SMYD3: variants seen among roughly 807,000 people sequenced by gnomAD.
SMYD3 encodes the protein histone-lysine N-methyltransferase SMYD3.
Under a neutral mutation model 57.7 loss-of-function variants are expected in SMYD3, and 36 were observed. The ratio of observed to expected loss-of-function variants is 0.62; its 90% CI spans 0.48 to 0.82. SMYD3 has a LOEUF of 0.82. SMYD3 is among the 40% of genes least tolerant of loss of function. SMYD3 has a pLI of 0.00. For missense variants in SMYD3, 515 were observed against 538.8 expected (o/e 0.96, Z 0.44); for synonymous variants, 211 against 195.0 (o/e 1.08, Z -0.68).
intron 8 of SMYD3, among the ~76,000 whole-genome samples, chr1:245,868,076 A>G (rs1433647360): frequency 1.3e-5 from 2 of 152,252 alleles, no homozygotes; most frequent in East Asian, 3.8e-4. Context: ...GAATGTCTAT[A>G]GCATGGATCT....
At chr1:246,267,705 G>T (rs1246798854) in intron 5 of SMYD3, among the ~76,000 whole-genome samples, 1 of 152,136 alleles carries the variant, frequency 6.6e-6, no homozygotes, top group Non-Finnish European at 1.5e-5. Flanking sequence ...CTCTCTTGCA[G>T]CCCCTTCCTG....
intron 5 of SMYD3, among the ~76,000 whole-genome samples, chr1:246,014,118 T>A (rs2059334372): frequency 6.6e-6 from 1 of 152,138 alleles, no homozygotes; most frequent in Non-Finnish European, 1.5e-5. Context: ...AGGTCGGGTG[T>A]TCGAGACCAG....
intron 7 of SMYD3, among the ~76,000 whole-genome samples, chr1:245,926,426 T>C (rs1484483305): frequency 1.3e-5 from 2 of 152,212 alleles, no homozygotes; most frequent in African/African-American, 4.8e-5. Flanking sequence ...GAGAACCTTC[T>C]TTTTGTTGAG....
rs144697591 is a variant in SMYD3 at position 246,362,367 on chromosome 1, G to A, written c.165-7273C>T. On this transcript the variant is annotated intron_variant, in intron 1 of 11. Coordinates refer to ENST00000490107, the MANE Select transcript of SMYD3 (RefSeq NM_001167740.2). ...TAACTATCTCCCCCAAATCACCTGG[G>A]TGACAAAAAAGCAGATATTTTTAAA... 6.4e-3 allele frequency among the ~76,000 whole-genome samples: 950 copies of A among 148,056 alleles called. 4 individuals are homozygous for A. Among genetic ancestry groups the A allele is most frequent in the Non-Finnish European group, 8.1e-3 (541 of 67,084 alleles).
intron 5 of SMYD3, among the ~76,000 whole-genome samples, chr1:245,947,775 T>A (rs2057473930): frequency 6.7e-6 from 1 of 148,414 alleles, no homozygotes; most frequent in Non-Finnish European, 1.5e-5. Flanking sequence ...TTATGTTACG[T>A]ACCACTAAGA....
chr1:245,981,410 T>C (rs543862488), intron 5 of SMYD3, among the ~76,000 whole-genome samples: 58 of 152,324 alleles, frequency 3.8e-4, no homozygotes, highest in African/African-American at 1.3e-3. Flanking sequence ...AAGAATTCAA[T>C]AGCATTGAGC....
At chr1:246,269,866 C>T (rs12093673) in intron 5 of SMYD3, among the ~76,000 whole-genome samples, 27,364 of 152,076 alleles carry the variant, frequency 0.18, 2,708 homozygotes, top group East Asian at 0.31. Flanking sequence ...TACCACCACA[C>T]CCAGCGGTCA....
intron 8 of SMYD3, among the ~76,000 whole-genome samples, chr1:245,898,496 C>T (rs2053975687): frequency 6.6e-6 from 1 of 152,138 alleles, no homozygotes; most frequent in South Asian, 2.1e-4. Flanking sequence ...TGAAGTTGAT[C>T]CTGAGTGCTA....
At chr1:246,144,695 G>A (rs978544278) in intron 5 of SMYD3, among the ~76,000 whole-genome samples, 1 of 152,016 alleles carries the variant, frequency 6.6e-6, no homozygotes, top group African/African-American at 2.4e-5. Flanking sequence ...TTTTTAATTG[G>A]AATCATTTCA....
intron 10 of SMYD3, among the ~76,000 whole-genome samples, chr1:245,792,017 G>A (rs1245578571): frequency 1.3e-5 from 2 of 150,176 alleles, no homozygotes; most frequent in African/African-American, 2.5e-5. Context: ...AAGGCTGTTC[G>A]ATGAAATTTG....
At chr1:246,366,446 T>C (rs79816174) in intron 1 of SMYD3, among the ~76,000 whole-genome samples, 1 of 152,220 alleles carries the variant, frequency 6.6e-6, no homozygotes, top group Non-Finnish European at 1.5e-5. Flanking sequence ...CTTTGGGGCA[T>C]GGTTCAGAGC....
At chr1:245,926,993 T>C (rs2056419006) in intron 7 of SMYD3, among the ~76,000 whole-genome samples, 1 of 152,192 alleles carries the variant, frequency 6.6e-6, no homozygotes, top group African/African-American at 2.4e-5. Flanking sequence ...TGAAAATCAG[T>C]TTGGGGAGAA....
chr1:246,444,819 A>G (rs905650338), intron 1 of SMYD3, among the ~76,000 whole-genome samples: 8 of 152,210 alleles, frequency 5.3e-5, no homozygotes, highest in Non-Finnish European at 1.5e-5. Context: ...AAAAGCTGTC[A>G]GTCATAATGT....
chr1:246,005,208 C>T (rs2059148468), intron 5 of SMYD3, among the ~76,000 whole-genome samples: 1 of 152,126 alleles, frequency 6.6e-6, no homozygotes, highest in Non-Finnish European at 1.5e-5. Context: ...AAAGAAAAAC[C>T]TCAAAAATGT....
At chr1:246,190,098 G>C (rs1295373812) in intron 5 of SMYD3, among the ~76,000 whole-genome samples, 1 of 152,164 alleles carries the variant, frequency 6.6e-6, no homozygotes, top group Non-Finnish European at 1.5e-5. Context: ...GTCCTTAAAT[G>C]CCCAAGTCCA....
chr1:246,360,122 T>A (rs1481777215), intron 1 of SMYD3, among the ~76,000 whole-genome samples: 3 of 152,124 alleles, frequency 2.0e-5, no homozygotes, highest in African/African-American at 7.2e-5. Flanking sequence ...AGTTTCAGGA[T>A]ACAAAATTGA....
intron 10 of SMYD3, among the ~76,000 whole-genome samples, chr1:245,818,405 C>T (rs558276433): frequency 1.9e-4 from 29 of 151,912 alleles, no homozygotes; most frequent in African/African-American, 5.8e-4. Flanking sequence ...CGCTAAACAT[C>T]GAAAGGAACA....
intron 2 of SMYD3, among the ~76,000 whole-genome samples, chr1:246,338,443 C>A (rs1358489407): frequency 6.6e-6 from 1 of 152,190 alleles, no homozygotes; most frequent in East Asian, 1.9e-4. Flanking sequence ...CAAAAGACAA[C>A]CTTCCTGATT....
intron 1 of SMYD3, among the ~76,000 whole-genome samples, chr1:246,377,584 G>A (rs1378630240): frequency 6.6e-6 from 1 of 152,040 alleles, no homozygotes; most frequent in Non-Finnish European, 1.5e-5. Flanking sequence ...GGTCAGGCTA[G>A]TCTTGAACTC....
Sources: gnomAD v4.1 joint callset for allele counts (sites outside exome capture counted in the v4.1 genomes callset) on GRCh38, gnomAD v4.1.1 for gene constraint, MANE v1.5 for transcripts, NCBI Gene and HGNC (gene_info 2026-07-23, HGNC 2026-07-21) for gene names.